The following NF1 variants were observed in gnomAD, a reference collection of about 807,000 sequenced individuals.
The protein encoded by NF1 is neurofibromin.
In NF1, 122 loss-of-function variants were observed where a neutral mutation model predicts 325.7. The ratio of observed to expected loss-of-function variants is 0.37; its 90% CI spans 0.32 to 0.44. The LOEUF is 0.44. NF1 is among the 20% of genes least tolerant of loss of function. The pLI is 1.00. For synonymous variants in NF1, 1,091 were observed against 1,186.0 expected, an observed-to-expected ratio of 0.92 and a Z score of 1.65; for missense variants, 2,140 against 3,415.4, an observed-to-expected ratio of 0.63 and a Z score of 9.31.
chr17:31,315,071 G>A (rs17886492), intron 36 of NF1, among the ~76,000 whole-genome samples: 6,097 of 152,100 alleles, frequency 0.04, 165 homozygotes, highest in Non-Finnish European at 0.061. Context: ...GTACCCTTTC[G>A]TATGCCTGTT....
chr17:31,118,076 T>C (rs1914108118), intron 1 of NF1, among the ~76,000 whole-genome samples: 1 of 152,202 alleles, frequency 6.6e-6, no homozygotes, highest in South Asian at 2.1e-4. Flanking sequence ...TTAAACTAGG[T>C]TAAATGTGGT....
intron 36 of NF1, among the ~76,000 whole-genome samples, chr17:31,307,682 A>G (rs1052665167): frequency 3.3e-5 from 5 of 152,160 alleles, no homozygotes; most frequent in South Asian, 2.1e-4. Flanking sequence ...ACAATTTGCA[A>G]CTTTTGGTAT....
chr17:31,298,292 G>C (rs559761913), intron 36 of NF1, among the ~76,000 whole-genome samples: 1 of 152,042 alleles, frequency 6.6e-6, no homozygotes. Context: ...GTGTAAATCT[G>C]TTAAAACACA....
intron 36 of NF1, among the ~76,000 whole-genome samples, chr17:31,271,081 T>A (rs940520350): frequency 6.6e-6 from 1 of 152,230 alleles, no homozygotes; most frequent in Non-Finnish European, 1.5e-5. Context: ...AAGCCAAAGC[T>A]CTTAACAAAT....
rs1342412122 is a variant in NF1 at position 31,239,444 on chromosome 17, G to A, written c.3974+3423G>A. 2.6e-5 allele frequency among the ~76,000 whole-genome samples: 4 copies of A among 151,754 alleles called. No homozygotes were observed. In the East Asian group the frequency reaches 7.8e-4, roughly 30 times the overall value. On this transcript the variant is annotated intron_variant, in intron 29 of 57. Coordinates refer to ENST00000358273, the MANE Select transcript of NF1 (RefSeq NM_001042492.3). Reference sequence around the variant, plus strand: ...TCAAAATTTGTGGGGTTTAATAAAAGCAGTTGCTTAGCAGTGTTAAATGTA... The same window carrying A: ...TCAAAATTTGTGGGGTTTAATAAAAACAGTTGCTTAGCAGTGTTAAATGTA...
chr17:31,112,391 T>C (rs1913492566), intron 1 of NF1, among the ~76,000 whole-genome samples: 1 of 152,232 alleles, frequency 6.6e-6, no homozygotes, highest in African/African-American at 2.4e-5. Flanking sequence ...AAAGTGATTG[T>C]ATCATCTTAC....
intron 21 of NF1, 158 bp from the exon 22 acceptor site, chr17:31,229,677 T>C (rs987942295): frequency 9.8e-7 from 1 of 1,016,638 alleles, no homozygotes; most frequent in African/African-American, 1.6e-5. Context: ...GTGCCCTGTG[T>C]ATGGGTACGA....
intron 27 of NF1, among the ~76,000 whole-genome samples, chr17:31,233,607 A>C (rs537310305): frequency 6.6e-6 from 1 of 152,202 alleles, no homozygotes; most frequent in Non-Finnish European, 1.5e-5. Flanking sequence ...ACAGTTTTTT[A>C]AAAATTTAAG....
chr17:31,318,767 T>C (rs867698575), intron 36 of NF1: 2 of 1,614,118 alleles, frequency 1.2e-6, no homozygotes, highest in Admixed American at 1.7e-5. Context: ...AAAGCTACGA[T>C]GTGAGATGTT....
intron 5 of NF1, among the ~76,000 whole-genome samples, chr17:31,178,641 A>G (rs1329115553): frequency 6.6e-6 from 1 of 152,186 alleles, no homozygotes; most frequent in Non-Finnish European, 1.5e-5. Flanking sequence ...AGTTACACAT[A>G]GGCTCAAAAT....
chr17:31,189,270 TA>T (rs2143820757), intron 8 of NF1, among the ~76,000 whole-genome samples: 1 of 152,300 alleles, frequency 6.6e-6, no homozygotes, highest in Admixed American at 6.5e-5. Context: ...GAGTTCTTTT[TA>T]CTATATAGAT....
rs140488529 is a variant in NF1, at chr17:31,145,335, C to T, written c.61-10648C>T. On this transcript the variant is annotated intron_variant, in intron 1 of 57. Coordinates refer to ENST00000358273, the MANE Select transcript of NF1 (RefSeq NM_001042492.3). ...AGCCTCCTGAGTAGCTGGGACTGCA[C>T]GCATGTACCACCATGCCTGGCTAAT... Among the ~76,000 whole-genome samples the T allele has an allele frequency of 2.2e-3, 329 of 152,168 alleles. 1 individual carries two copies. The highest frequency in any genetic ancestry group is 7.4e-3 in the African/African-American group (307 of 41,526).
chr17:31,354,598 A>G (rs2070227506), intron 51 of NF1, among the ~76,000 whole-genome samples: 1 of 152,238 alleles, frequency 6.6e-6, no homozygotes, highest in Non-Finnish European at 1.5e-5. Flanking sequence ...AGAGACAGGA[A>G]GAGATTTTTA....
chr17:31,306,564 T>A (rs934439588), intron 36 of NF1, among the ~76,000 whole-genome samples: 4 of 152,198 alleles, frequency 2.6e-5, no homozygotes, highest in Non-Finnish European at 5.9e-5. Context: ...CAGAGTCTAT[T>A]AGTAATCTTT....
At chr17:31,218,602 C>T (rs868119173) in intron 13 of NF1, among the ~76,000 whole-genome samples, 3 of 151,096 alleles carry the variant, frequency 2.0e-5, no homozygotes, top group Non-Finnish European at 2.9e-5. Context: ...GATGGAGTCT[C>T]GCTCTGCCAC....
intron 1 of NF1, among the ~76,000 whole-genome samples, chr17:31,149,684 A>T (rs2143584174): frequency 6.6e-6 from 1 of 152,230 alleles, no homozygotes; most frequent in East Asian, 1.9e-4. Flanking sequence ...TTGGAGGATC[A>T]GAGGAGTCCA....
At chr17:31,265,504 G>T (rs1223261281) in intron 36 of NF1, among the ~76,000 whole-genome samples, 165 bp downstream of exon 36, 2 of 151,510 alleles carry the variant, frequency 1.3e-5, no homozygotes, top group East Asian at 3.9e-4. Flanking sequence ...TAAAATGATG[G>T]TCGGTATCTA....
At chr17:31,340,386 A>C in intron 46 of NF1, 119 bp from the exon 47 acceptor site, 1 of 1,331,476 alleles carries the variant, frequency 7.5e-7, no homozygotes, top group South Asian at 1.2e-5. Flanking sequence ...TATCTTCCCC[A>C]AAAGAGAAAA....
chr17:31,184,263 C>G (rs896947383), intron 8 of NF1, among the ~76,000 whole-genome samples: 2 of 152,126 alleles, frequency 1.3e-5, no homozygotes, highest in African/African-American at 4.8e-5. Context: ...TTTAGTGACC[C>G]TATACATAAT....
Sources: allele counts gnomAD v4.1 joint callset (sites outside exome capture counted in the v4.1 genomes callset), GRCh38; gene constraint gnomAD v4.1.1; transcripts MANE v1.5; gene names NCBI Gene and HGNC (gene_info 2026-07-23, HGNC 2026-07-21).